Variants in LRP1B observed in about 807,000 individuals in gnomAD.
LRP1B encodes LDL receptor related protein 1B.
LRP1B carries 217 observed loss-of-function variants against 556.6 expected under a neutral mutation model. The ratio of observed to expected loss-of-function variants is 0.39; its 90% confidence interval spans 0.35 to 0.44. The LOEUF is 0.44. Among genes scored for constraint, LRP1B ranks in the 20% least tolerant of loss-of-function variants. LRP1B has a pLI of 1.00. For missense variants in LRP1B, 5,053 were observed against 5,620.8 expected, an observed-to-expected ratio of 0.90 and a Z score of 3.23; for synonymous variants, 2,047 against 1,865.8, an observed-to-expected ratio of 1.10 and a Z score of -2.50.
chr2:141,196,691 A>G (rs1452549439), intron 6 of LRP1B, among the ~76,000 whole-genome samples: 3 of 151,986 alleles, frequency 2.0e-5, no homozygotes, highest in Non-Finnish European at 4.4e-5. Flanking sequence ...CTCCTCCCCA[A>G]ATGGAAAATC....
At chr2:140,608,332 G>A (rs924118130) in intron 41 of LRP1B, among the ~76,000 whole-genome samples, 3 of 152,172 alleles carry the variant, frequency 2.0e-5, no homozygotes. Flanking sequence ...TCCAGTGAAT[G>A]AGAACACCTA....
intron 2 of LRP1B, among the ~76,000 whole-genome samples, chr2:141,682,944 T>C (rs1691156738): frequency 6.6e-6 from 1 of 152,164 alleles, no homozygotes; most frequent in Non-Finnish European, 1.5e-5. Flanking sequence ...CATCTACTTA[T>C]AATTATTTCT....
intron 1 of LRP1B, among the ~76,000 whole-genome samples, chr2:141,913,688 T>A (rs1699962199): frequency 6.6e-6 from 1 of 152,086 alleles, no homozygotes; most frequent in Non-Finnish European, 1.5e-5. Flanking sequence ...CCATTGAGAA[T>A]GAACTACTAA....
At chr2:141,092,688 T>C (rs1210323659) in intron 7 of LRP1B, among the ~76,000 whole-genome samples, 2 of 152,108 alleles carry the variant, frequency 1.3e-5, no homozygotes, top group Non-Finnish European at 2.9e-5. Flanking sequence ...GTACAGCTAA[T>C]GAGATAGAAA....
chr2:140,309,158 G>C (rs1166556745), intron 83 of LRP1B, among the ~76,000 whole-genome samples: 1 of 151,740 alleles, frequency 6.6e-6, no homozygotes, highest in African/African-American at 2.4e-5. Context: ...AATAATTTTA[G>C]CAAGGTGACT....
intron 1 of LRP1B, among the ~76,000 whole-genome samples, chr2:141,871,672 AT>A (rs1303899134): frequency 2.0e-5 from 3 of 152,000 alleles, no homozygotes; most frequent in African/African-American, 7.2e-5. Context: ...GTATAAGACT[AT>A]TTATAATACA....
intron 66 of LRP1B, among the ~76,000 whole-genome samples, chr2:140,437,699 T>A (rs2105293716): frequency 6.6e-6 from 1 of 152,302 alleles, no homozygotes; most frequent in East Asian, 1.9e-4. Flanking sequence ...ACAAAGTATA[T>A]CTACATAGAA....
intron 63 of LRP1B, among the ~76,000 whole-genome samples, chr2:140,448,625 T>C (rs571362645): frequency 1.1e-3 from 166 of 152,172 alleles, no homozygotes; most frequent in African/African-American, 3.8e-3. Flanking sequence ...TAGGAAGACA[T>C]TGTTCAAAAG....
In LRP1B at chr2:141,483,913, T is replaced by C. The variant is rs1193016404; in HGVS notation, c.206-3380A>G. 2.0e-3 allele frequency among the ~76,000 whole-genome samples: 300 copies of C among 151,116 alleles called. 4 individuals carry two copies. Among genetic ancestry groups the C allele is most frequent in the African/African-American group, 7.1e-3 (295 of 41,298 alleles). Reference sequence around the variant, plus strand: ...AAAAATTTTCTCCCATTCTGTAGGTTGCCTGTTCACTCTGATGGTAGTTTC... The same window carrying C: ...AAAAATTTTCTCCCATTCTGTAGGTCGCCTGTTCACTCTGATGGTAGTTTC... On this transcript the variant is annotated intron_variant, in intron 2 of 90. Transcript: ENST00000389484.
intron 2 of LRP1B, among the ~76,000 whole-genome samples, chr2:141,709,028 C>T (rs148688113): frequency 1.6e-3 from 239 of 152,222 alleles, no homozygotes; most frequent in African/African-American, 5.6e-3. Context: ...ATCCTATCAA[C>T]ATATAACTTT....
intron 20 of LRP1B, among the ~76,000 whole-genome samples, chr2:140,938,275 T>C (rs1214954491): frequency 2.6e-5 from 4 of 151,992 alleles, no homozygotes; most frequent in Non-Finnish European, 1.5e-5. Context: ...CTGAATAGTG[T>C]GAGAATGTCC....
At chr2:140,721,501 T>C (rs189131683) in intron 35 of LRP1B, among the ~76,000 whole-genome samples, 67 of 150,682 alleles carry the variant, frequency 4.4e-4, no homozygotes, top group African/African-American at 1.6e-3. Flanking sequence ...TGATTCAAGC[T>C]AGTGATAAAT....
At chr2:140,844,284 A>G (rs143274907) in intron 29 of LRP1B, among the ~76,000 whole-genome samples, 2,835 of 152,148 alleles carry the variant, frequency 0.019, 46 homozygotes, top group Non-Finnish European at 0.026. Flanking sequence ...GGCTGGTCCC[A>G]AAGTCCTGAC....
intron 7 of LRP1B, among the ~76,000 whole-genome samples, chr2:141,126,863 CTTCTT>C (rs140066523): frequency 0.048 from 7,343 of 152,094 alleles, 423 homozygotes; most frequent in African/African-American, 0.14. Context: ...ATTCATTTTT[CTTCTT>C]TTCTTTTAAA....
chr2:140,493,261 G>A (rs1249378523), intron 56 of LRP1B, among the ~76,000 whole-genome samples: 1 of 151,788 alleles, frequency 6.6e-6, no homozygotes, highest in Non-Finnish European at 1.5e-5. Flanking sequence ...TTTTTCTAAT[G>A]CTTTAATAGT....
intron 2 of LRP1B, among the ~76,000 whole-genome samples, chr2:141,738,803 C>T (rs941349130): frequency 1.3e-5 from 2 of 152,084 alleles, no homozygotes; most frequent in Admixed American, 1.3e-4. Flanking sequence ...GACCTTCTCA[C>T]CTCAGTTATA....
At chr2:140,424,809 C>G (rs999870575) in intron 66 of LRP1B, among the ~76,000 whole-genome samples, 28 of 152,150 alleles carry the variant, frequency 1.8e-4, no homozygotes, top group Non-Finnish European at 2.9e-4. Flanking sequence ...GGTCAATTCT[C>G]TTTTGTTCTT....
At chr2:141,123,802 T>C (rs1019017740) in intron 7 of LRP1B, among the ~76,000 whole-genome samples, 3 of 152,000 alleles carry the variant, frequency 2.0e-5, no homozygotes, top group Admixed American at 6.6e-5. Flanking sequence ...CATTAAACTG[T>C]CCTTTGCTCT....
At chr2:141,903,146 T>TA (rs1699668858) in intron 1 of LRP1B, among the ~76,000 whole-genome samples, 1 of 45,348 alleles carries the variant, frequency 2.2e-5, no homozygotes, top group Non-Finnish European at 5.3e-5. Context: ...AATGTCTAAA[T>TA]CTTTTTTTTT....
Sources: gnomAD v4.1 joint callset for allele counts (sites outside exome capture counted in the v4.1 genomes callset) on GRCh38, gnomAD v4.1.1 for gene constraint, MANE v1.5 for transcripts, NCBI Gene and HGNC (gene_info 2026-07-23, HGNC 2026-07-21) for gene names.